The following VWDE variants were observed in gnomAD, a reference collection of about 807,000 sequenced individuals.
VWDE encodes the protein von Willebrand factor D and EGF domain-containing protein.
A neutral mutation model predicts 178.4 loss-of-function variants in VWDE; 207 were observed. The ratio of observed to expected loss-of-function variants is 1.16; its 90% CI spans 1.04 to 1.30. VWDE has a LOEUF of 1.30. VWDE is among the 50% of genes most tolerant of loss of function. The pLI is 0.00. For synonymous variants in VWDE, 738 were observed against 651.4 expected, an observed-to-expected ratio of 1.13 and a Z score of -2.02; for missense variants, 2,287 against 1,901.3, an observed-to-expected ratio of 1.20 and a Z score of -3.77.
chr7:12,339,871 C>G (rs1781233313), intron 24 of VWDE, among the ~76,000 whole-genome samples: 1 of 152,058 alleles, frequency 6.6e-6, no homozygotes, highest in Non-Finnish European at 1.5e-5. Context: ...ATTTTTATGT[C>G]TCTGTATCTT....
At chr7:12,346,450 C>T (rs1321627199) in intron 19 of VWDE, among the ~76,000 whole-genome samples, 2 of 151,938 alleles carry the variant, frequency 1.3e-5, no homozygotes, top group South Asian at 2.1e-4. Context: ...AAGACAGGAA[C>T]TAAATGTATA....
chr7:12,374,815 T>C (rs1469597878), intron 8 of VWDE, 53 bp from the exon 9 acceptor site: 1 of 1,252,698 alleles, frequency 8.0e-7, no homozygotes, highest in Non-Finnish European at 1.1e-6. Flanking sequence ...TATTTAGTGA[T>C]ATATAAAAAA....
At position 12,370,288 on chromosome 7, in the gene VWDE, T is replaced by G. The variant is rs1434042379; in HGVS notation, c.2018A>C (p.Asn673Thr). 20 of 1,551,272 alleles carry G rather than the reference T, an allele frequency of 1.3e-5. No homozygotes were observed. Among genetic ancestry groups the G allele is most frequent in the Non-Finnish European group, 1.7e-5 (20 of 1,146,852 alleles). ...TATCTCTCTGACAAGAGTGTCTGAA[T>G]TAATATATTCGGAGGTGACATCTAG... The part of the protein sequence containing the change: ...PELDVTSEYI[N>T]SDTLVREINK... Residue 673 changes from asparagine to threonine, a missense_variant, in exon 12 of 29, where the codon AAT becomes ACT. Coordinates refer to ENST00000275358, the MANE Select transcript of VWDE (RefSeq NM_001135924.3).
At chr7:12,349,597 G>C (rs913512393) in intron 19 of VWDE, among the ~76,000 whole-genome samples, 3 of 151,146 alleles carry the variant, frequency 2.0e-5, no homozygotes, top group African/African-American at 7.3e-5. Flanking sequence ...AATAATTTAA[G>C]TACCTATTAT....
intron 19 of VWDE, among the ~76,000 whole-genome samples, chr7:12,350,877 A>C (rs1343852319): frequency 6.6e-6 from 1 of 152,164 alleles, no homozygotes; most frequent in African/African-American, 2.4e-5. Context: ...CTATTAAGAC[A>C]AGAAAGTAAA....
intron 27 of VWDE, among the ~76,000 whole-genome samples, chr7:12,334,493 G>A (rs1343248918): frequency 6.6e-6 from 1 of 152,098 alleles, no homozygotes; most frequent in Non-Finnish European, 1.5e-5. Context: ...TGGGCAGGTT[G>A]TGAAATCCAC....
At chr7:12,381,032 C>G (rs1783827301) in intron 4 of VWDE, among the ~76,000 whole-genome samples, 1 of 152,100 alleles carries the variant, frequency 6.6e-6, no homozygotes, top group Admixed American at 6.5e-5. Context: ...AAGCACTTAT[C>G]TTTTCTAAAA....
At chr7:12,389,379 A>G (rs1163217019) in intron 2 of VWDE, 21 bp from the exon 3 acceptor site, 2 of 1,506,668 alleles carry the variant, frequency 1.3e-6, no homozygotes, top group Non-Finnish European at 1.8e-6. Context: ...AGAGAAAACA[A>G]AAGTTGAAAA....
chr7:12,377,729 T>C, intron 7 of VWDE, 47 bp downstream of exon 7: 1 of 1,237,120 alleles, frequency 8.1e-7, no homozygotes, highest in Non-Finnish European at 1.1e-6. Context: ...AAAAAAGCAT[T>C]ATTGTTTGCA....
At chr7:12,354,511 C>T in intron 18 of VWDE, 1 of 326,366 alleles carries the variant, frequency 3.1e-6, no homozygotes, top group Non-Finnish European at 6.0e-6. Flanking sequence ...AGATCAAGAG[C>T]TCAGATTATT....
At chr7:12,399,001 G>C (rs1345666835) in intron 1 of VWDE, among the ~76,000 whole-genome samples, 1 of 151,980 alleles carries the variant, frequency 6.6e-6, no homozygotes, top group African/African-American at 2.4e-5. Context: ...ATCATGCGAT[G>C]TACCTTTGTA....
chr7:12,386,001 CA>C (rs1443494630), intron 3 of VWDE, among the ~76,000 whole-genome samples: 1 of 151,990 alleles, frequency 6.6e-6, no homozygotes, highest in Admixed American at 6.6e-5. Context: ...TTTTTAAATT[CA>C]GTGTAAAAAA....
Position 12,370,143 on chromosome 7 carries a change from ATC to A in VWDE, c.2161_2162del (p.Asp721PhefsTer8). On this transcript the variant is annotated frameshift_variant, in exon 12 of 29. Coordinates refer to ENST00000275358, the MANE Select transcript of VWDE (RefSeq NM_001135924.3). LOFTEE classifies it high-confidence loss of function. Reference sequence around the variant, plus strand: ...TCTTATTGGCCAAATATTGTAGTGAATCTTCTTTCTCATTTCCAGGATGTTTT... The same window carrying A: ...TCTTATTGGCCAAATATTGTAGTGAATTCTTTCTCATTTCCAGGATGTTTT... ...VQKHPGNEKE[D>X]SLQYLANKKY... The A allele has an allele frequency of 4.5e-6, 7 of 1,551,408 alleles. No homozygotes were observed. Among genetic ancestry groups the A allele is most frequent in the Non-Finnish European group, 6.1e-6 (7 of 1,146,892 alleles).
intron 3 of VWDE, among the ~76,000 whole-genome samples, chr7:12,385,562 G>C (rs548611157): frequency 2.0e-5 from 3 of 152,298 alleles, no homozygotes; most frequent in African/African-American, 7.2e-5. Flanking sequence ...GAAAAGATTA[G>C]TGACTTTCAG....
At chr7:12,365,739 GA>G (rs749996849) in intron 13 of VWDE, among the ~76,000 whole-genome samples, 1 of 152,104 alleles carries the variant, frequency 6.6e-6, no homozygotes. Context: ...TTAAAGGCTA[GA>G]AGAGCCTTTA....
intron 13 of VWDE, among the ~76,000 whole-genome samples, chr7:12,361,807 C>A (rs1410322227): frequency 6.6e-6 from 1 of 151,996 alleles, no homozygotes; most frequent in Non-Finnish European, 1.5e-5. Context: ...TATGTAACGA[C>A]TTTTGTAGCA....
Position 12,369,986 on chromosome 7 carries a change from C to G in VWDE, c.2320G>C (p.Glu774Gln). 6.4e-7 allele frequency: 1 copy of G among 1,551,476 alleles called. No individual in the cohort carries two copies. Among genetic ancestry groups the G allele is most frequent in the Non-Finnish European group, 8.7e-7 (1 of 1,146,878 alleles). Residue 774 changes from glutamate to glutamine, a missense_variant, in exon 12 of 29, where the codon GAA becomes CAA. By Grantham distance (29) the Glu-to-Gln change is conservative. Transcript: ENST00000275358. ...TCCTCTGGGAAAAAATAAGTAAGTT[C>G]TTCCAGATCCGTTTGGCTGAGACTC... ...FPSLSQTDLE[E>Q]LTYFFPEDHA...
chr7:12,383,392 G>C (rs16877413), intron 4 of VWDE, 144 bp downstream of exon 4: 2 of 674,094 alleles, frequency 3.0e-6, no homozygotes, highest in Non-Finnish European at 2.4e-6. Context: ...GCACGATAAA[G>C]TTATTTTTAT....
intron 12 of VWDE, among the ~76,000 whole-genome samples, chr7:12,368,770 G>A (rs1365331126): frequency 6.6e-6 from 1 of 152,134 alleles, no homozygotes; most frequent in Non-Finnish European, 1.5e-5. Flanking sequence ...ATAATCTGAG[G>A]GGGAAATAAT....
Sources: allele counts gnomAD v4.1 joint callset (sites outside exome capture counted in the v4.1 genomes callset), GRCh38; gene constraint gnomAD v4.1.1; transcripts MANE v1.5; gene names NCBI Gene and HGNC (gene_info 2026-07-23, HGNC 2026-07-21).